MYO16: variants seen among roughly 807,000 people sequenced by gnomAD.
MYO16 encodes the protein myosin XVI.
A neutral mutation model predicts 205.3 loss-of-function variants in MYO16; 94 were observed. That is an observed-to-expected ratio of 0.46 (90% CI 0.39 to 0.54). MYO16 has a LOEUF of 0.54. Ranked by LOEUF, MYO16 falls within the 20% of genes least tolerant of loss-of-function variation. The pLI is 0.00. For missense variants in MYO16, 2,315 were observed against 2,387.5 expected, an observed-to-expected ratio of 0.97 and a Z score of 0.63; for synonymous variants, 988 against 954.0, an observed-to-expected ratio of 1.04 and a Z score of -0.66.
chr13:109,085,088 C>T (rs889037789), intron 27 of MYO16, among the ~76,000 whole-genome samples: 2 of 152,070 alleles, frequency 1.3e-5, no homozygotes, highest in East Asian at 1.9e-4. Context: ...CAGGTTCAGC[C>T]TGGGGGAGAG....
At chr13:108,663,813 ATTTGT>A (rs1881607494) in intron 1 of MYO16, among the ~76,000 whole-genome samples, 1 of 152,188 alleles carries the variant, frequency 6.6e-6, no homozygotes, top group African/African-American at 2.4e-5. Flanking sequence ...CTGTGATGTT[ATTTGT>A]TTTAATTCTT....
intron 1 of MYO16, among the ~76,000 whole-genome samples, chr13:108,599,412 G>A (rs997638736): frequency 6.6e-6 from 1 of 151,664 alleles, no homozygotes; most frequent in Non-Finnish European, 1.5e-5. Context: ...CTGAGGAATC[G>A]CCACACTGAC....
intron 23 of MYO16, among the ~76,000 whole-genome samples, chr13:109,040,822 T>C (rs1886862692): frequency 6.6e-6 from 1 of 152,154 alleles, no homozygotes; most frequent in Non-Finnish European, 1.5e-5. Context: ...GGATGTCTGC[T>C]CTCACCACTC....
chr13:108,806,020 A>G (rs1887103913), intron 6 of MYO16, among the ~76,000 whole-genome samples: 1 of 152,122 alleles, frequency 6.6e-6, no homozygotes, highest in Non-Finnish European at 1.5e-5. Flanking sequence ...GAGAGGTGGC[A>G]GGATCACTTG....
At chr13:109,167,992 A>C (rs959750391) in intron 33 of MYO16, among the ~76,000 whole-genome samples, 4 of 152,154 alleles carry the variant, frequency 2.6e-5, no homozygotes, top group African/African-American at 9.7e-5. Context: ...GGAGGGGTAA[A>C]ATAATATTTA....
At chr13:109,045,763 G>A (rs1047364535) in intron 23 of MYO16, among the ~76,000 whole-genome samples, 1 of 152,152 alleles carries the variant, frequency 6.6e-6, no homozygotes, top group African/African-American at 2.4e-5. Context: ...ACCTTTTCCA[G>A]GTCCTTCCAC....
At chr13:108,841,199 A>G (rs1877221917) in intron 9 of MYO16, among the ~76,000 whole-genome samples, 1 of 152,230 alleles carries the variant, frequency 6.6e-6, no homozygotes, top group African/African-American at 2.4e-5. Flanking sequence ...GAATGATTAC[A>G]TCAATGAATG....
At chr13:109,003,560 C>T (rs1330663723) in intron 21 of MYO16, among the ~76,000 whole-genome samples, 1 of 152,118 alleles carries the variant, frequency 6.6e-6, no homozygotes, top group African/African-American at 2.4e-5. Flanking sequence ...TGGTAGATTG[C>T]TTTAGACGTT....
At chr13:108,738,975 T>G (rs1350099441) in intron 4 of MYO16, among the ~76,000 whole-genome samples, 3 of 152,176 alleles carry the variant, frequency 2.0e-5, no homozygotes, top group Non-Finnish European at 4.4e-5. Flanking sequence ...CCTTTTTTTG[T>G]TTTCCATTTT....
chr13:108,817,499 A>G (rs1000126159), intron 7 of MYO16, among the ~76,000 whole-genome samples: 2 of 142,936 alleles, frequency 1.4e-5, no homozygotes, highest in African/African-American at 2.5e-5. Flanking sequence ...GTTTTCTTGT[A>G]TGGGATGAAC....
At chr13:108,979,884 A>G (rs1382336820) in intron 20 of MYO16, among the ~76,000 whole-genome samples, 1 of 152,148 alleles carries the variant, frequency 6.6e-6, no homozygotes, top group Non-Finnish European at 1.5e-5. Context: ...GATAATAAAT[A>G]CAACATAATA....
At chr13:108,520,992 C>A in the MYO16 span, among the ~76,000 whole-genome samples, 2 of 152,080 alleles carry the variant, frequency 1.3e-5, no homozygotes, top group Non-Finnish European at 2.9e-5. Flanking sequence ...TTCCTTCTTT[C>A]CTTCCTTCCT....
chr13:109,098,541 C>T (rs573313230), intron 27 of MYO16, among the ~76,000 whole-genome samples: 66 of 152,194 alleles, frequency 4.3e-4, no homozygotes, highest in African/African-American at 1.5e-3. Context: ...TGTTGTTGGG[C>T]GTTGTCATGG....
intron 14 of MYO16, among the ~76,000 whole-genome samples, chr13:108,889,218 G>T (rs1391925868): frequency 2.0e-5 from 3 of 146,662 alleles, no homozygotes; most frequent in African/African-American, 7.7e-5. Flanking sequence ...CGATGGGCAG[G>T]CCATGCACCT....
At chr13:109,043,750 G>T (rs1279913304) in intron 23 of MYO16, among the ~76,000 whole-genome samples, 1 of 152,164 alleles carries the variant, frequency 6.6e-6, no homozygotes, top group African/African-American at 2.4e-5. Flanking sequence ...CGTCCTGGGG[G>T]AGGGGATCCC....
intron 23 of MYO16, among the ~76,000 whole-genome samples, chr13:109,042,559 G>A (rs1291031287): frequency 2.6e-5 from 4 of 152,170 alleles, no homozygotes; most frequent in Non-Finnish European, 4.4e-5. Context: ...AACAATCCAC[G>A]AATGCCAATT....
chr13:109,140,612 C>G lies in MYO16; in HGVS notation c.4400C>G (p.Pro1467Arg), dbSNP rs763308655. Residue 1467 changes from proline (P) to arginine (R), a missense_variant, in exon 32 of 35, where the codon CCG becomes CGG. Pro to Arg is a moderately radical substitution (Grantham distance 103). This residue lies in a region of MYO16 where 1,097 missense variants were observed against 1,092.0 expected (regional missense o/e 1.00). Coordinates refer to ENST00000457511, the MANE Select transcript of MYO16 (RefSeq NM_001198950.3). This position sits in a 1 kb window ranked among gnomAD's most constrained non-coding sequence, Gnocchi z 8.0. Reference sequence around the variant, plus strand: ...TGTTGCCTGCCCGACGACGGCGGCCCGGGCGCGGGCTCCTTCCTGCTCCAC... The same window carrying G: ...TGTTGCCTGCCCGACGACGGCGGCCGGGGCGCGGGCTCCTTCCTGCTCCAC... ...MKCCLPDDGG[P>R]GAGSFLLHGA... is the part of the protein sequence containing the mutation. The G allele has an allele frequency of 3.3e-6, 5 of 1,518,090 alleles. No homozygotes were observed. Among genetic ancestry groups the G allele is most frequent in the Middle Eastern group, 1.7e-4 (1 of 5,864 alleles). The allele number at this position is 1,518,090 out of a possible 1,614,324, so 94.0% of individuals were successfully genotyped here.
At chr13:108,985,935 C>T (rs1389209422) in intron 20 of MYO16, among the ~76,000 whole-genome samples, 1 of 152,138 alleles carries the variant, frequency 6.6e-6, no homozygotes, top group Non-Finnish European at 1.5e-5. Flanking sequence ...ATACCCGAGA[C>T]TGGGTAATTT....
chr13:108,579,307 T>A, the MYO16 span, among the ~76,000 whole-genome samples: 1 of 152,158 alleles, frequency 6.6e-6, no homozygotes, highest in African/African-American at 2.4e-5. Flanking sequence ...TGAAAAGCTG[T>A]TAGAAATTTA....
Sources: gnomAD v4.1 joint callset for allele counts (sites outside exome capture counted in the v4.1 genomes callset) on GRCh38, gnomAD v4.1.1 for gene constraint, gnomAD v4.1.1 regional missense constraint, Gnocchi (gnomAD v3.1) non-coding constraint, MANE v1.5 for transcripts, NCBI Gene and HGNC (gene_info 2026-07-23, HGNC 2026-07-21) for gene names.